PHACTR3: variants seen among roughly 807,000 people sequenced by gnomAD.
The protein encoded by PHACTR3 is protein phosphatase 1, regulatory subunit 123.
Under a neutral mutation model 66.8 loss-of-function variants are expected in PHACTR3, and 16 were observed. That is an observed-to-expected ratio of 0.24 (90% confidence interval 0.16 to 0.36). The LOEUF (loss-of-function observed/expected upper bound fraction) is 0.36, where lower values mean the gene tolerates loss of function less well. Ranked by LOEUF, PHACTR3 falls within the 10% of genes least tolerant of loss-of-function variation. PHACTR3 has a pLI of 1.00. For synonymous variants in PHACTR3, 323 were observed against 292.1 expected, an observed-to-expected ratio of 1.11 and a Z score of -1.08; for missense variants, 647 against 719.9, an observed-to-expected ratio of 0.90 and a Z score of 1.16.
chr20:59,767,811 T>G (rs2040231077), intron 5 of PHACTR3, among the ~76,000 whole-genome samples: 1 of 152,194 alleles, frequency 6.6e-6, no homozygotes, highest in South Asian at 2.1e-4. Flanking sequence ...TTCCATTCTG[T>G]TCCTTTCCAT....
At chr20:59,755,094 T>G in intron 3 of PHACTR3, 88 bp from the exon 4 acceptor site, 1 of 1,362,980 alleles carries the variant, frequency 7.3e-7, no homozygotes, top group Non-Finnish European at 1.0e-6. Context: ...GAGCCTAGAA[T>G]GGATACTTCT....
intron 4 of PHACTR3, among the ~76,000 whole-genome samples, chr20:59,765,584 A>T (rs1355656372): frequency 1.3e-5 from 2 of 152,242 alleles, no homozygotes; most frequent in Admixed American, 6.5e-5. Context: ...TGGGAATGAG[A>T]GTTTAAAACT....
intron 1 of PHACTR3, among the ~76,000 whole-genome samples, chr20:59,643,522 A>G (rs1456953848): frequency 1.3e-5 from 2 of 152,226 alleles, no homozygotes; most frequent in South Asian, 4.1e-4. Context: ...ATTCTGCACA[A>G]AACAGTGCCC....
intron 1 of PHACTR3, among the ~76,000 whole-genome samples, chr20:59,681,410 A>T (rs981281773): frequency 4.6e-5 from 7 of 152,074 alleles, no homozygotes; most frequent in African/African-American, 1.7e-4. Context: ...TTTGTAAAAC[A>T]TTTTGATGAC....
intron 1 of PHACTR3, among the ~76,000 whole-genome samples, chr20:59,586,458 T>C (rs1408132609): frequency 6.6e-6 from 1 of 152,252 alleles, no homozygotes; most frequent in Non-Finnish European, 1.5e-5. Context: ...TTTCTATTTT[T>C]ATTTTAATGG....
intron 8 of PHACTR3, among the ~76,000 whole-genome samples, chr20:59,834,441 C>A (rs1767831): frequency 0.86 from 130,345 of 151,826 alleles, 57,818 homozygotes; most frequent in East Asian, 0.97. Context: ...GTGCCCAGCT[C>A]TAAGGGGAGA....
intron 7 of PHACTR3, among the ~76,000 whole-genome samples, chr20:59,776,324 G>A (rs2040534199): frequency 6.6e-6 from 1 of 152,184 alleles, no homozygotes; most frequent in Non-Finnish European, 1.5e-5. Context: ...CCATGTAACT[G>A]GCCATGGTCA....
In PHACTR3 at chr20:59,651,657, C is replaced by T. The variant is rs117514728; in HGVS notation, c.118+46525C>T. ...AGTGTTGGAAACAATGCACATATCA[C>T]GAAGAGTGGACTGGCTGGATAAATA... On this transcript the variant is annotated intron_variant, in intron 1 of 12. Transcript: ENST00000371015. Among the ~76,000 whole-genome samples the T allele has an allele frequency of 5.2e-3, 793 of 152,226 alleles. 6 individuals carry two copies. The highest frequency in any genetic ancestry group is 7.5e-3 in the Non-Finnish European group (507 of 68,004).
intron 1 of PHACTR3, among the ~76,000 whole-genome samples, chr20:59,620,604 T>A (rs1317123722): frequency 6.6e-6 from 1 of 152,212 alleles, no homozygotes; most frequent in Non-Finnish European, 1.5e-5. Context: ...AAATCCCCCA[T>A]AAGCGATGTC....
At chr20:59,617,041 T>C (rs1387747561) in intron 1 of PHACTR3, among the ~76,000 whole-genome samples, 4 of 152,200 alleles carry the variant, frequency 2.6e-5, no homozygotes, top group South Asian at 2.1e-4. Context: ...TTAATGTGAT[T>C]ATTTTCCTGT....
intron 1 of PHACTR3, among the ~76,000 whole-genome samples, chr20:59,579,276 CG>C (rs1600856417): frequency 1.3e-5 from 2 of 152,224 alleles, no homozygotes; most frequent in Non-Finnish European, 2.9e-5. Context: ...AATAGTTCTG[CG>C]GCCTCTGTCT....
At chr20:59,622,909 T>A (rs1338879138) in intron 1 of PHACTR3, among the ~76,000 whole-genome samples, 9 of 145,278 alleles carry the variant, frequency 6.2e-5, no homozygotes, top group Non-Finnish European at 1.0e-4. Context: ...CCTGGGCTAA[T>A]ATGTAATCCC....
rs201357222 is a variant in PHACTR3, at chr20:59,774,299, C to G, written c.983C>G (p.Ser328Trp). ...AAGAAGCGGCTGGATGTCCGTCTGTCGAGAACGTCCAGCGTGGAGCGGGGC... is the reference window on the plus strand; with the variant it reads ...AAGAAGCGGCTGGATGTCCGTCTGTGGAGAACGTCCAGCGTGGAGCGGGGC... ...SPKKRLDVRL[S>W]RTSSVERGKE... Residue 328 changes from serine to tryptophan, a missense_variant, in exon 7 of 13, where the codon TCG becomes TGG. Around this residue, in one of 2 missense-constraint regions of PHACTR3, gnomAD observed 577 missense variants for 571.1 expected, o/e 1.01. Coordinates refer to ENST00000371015, the MANE Select transcript of PHACTR3 (RefSeq NM_080672.5). 6.2e-7 allele frequency: 1 copy of G among 1,613,022 alleles called. No homozygotes were observed.
intron 2 of PHACTR3, among the ~76,000 whole-genome samples, chr20:59,744,250 G>A (rs1349310317): frequency 6.6e-6 from 1 of 152,262 alleles, no homozygotes; most frequent in Non-Finnish European, 1.5e-5. Flanking sequence ...CACACAGCCA[G>A]CAGGTGGCGG....
At chr20:59,790,449 T>C (rs866103230) in intron 7 of PHACTR3, among the ~76,000 whole-genome samples, 1 of 152,218 alleles carries the variant, frequency 6.6e-6, no homozygotes, top group Non-Finnish European at 1.5e-5. Context: ...CTGATGGAAA[T>C]ATTCATATGC....
chr20:59,684,888 G>A (rs190421203), intron 1 of PHACTR3, among the ~76,000 whole-genome samples: 8 of 152,250 alleles, frequency 5.3e-5, no homozygotes, highest in Admixed American at 4.6e-4. Context: ...CTTATTCCAT[G>A]GCCCAGCATG....
chr20:59,823,816 A>G (rs2042113764), intron 8 of PHACTR3, among the ~76,000 whole-genome samples: 2 of 152,228 alleles, frequency 1.3e-5, no homozygotes, highest in African/African-American at 4.8e-5. Flanking sequence ...CATGGAATTT[A>G]CATTTTCATT....
At chr20:59,802,625 A>T (rs1484260370) in intron 7 of PHACTR3, among the ~76,000 whole-genome samples, 6 of 152,122 alleles carry the variant, frequency 3.9e-5, no homozygotes, top group African/African-American at 1.4e-4. Context: ...GGGAGCGTGG[A>T]AGGCAGTTCC....
chr20:59,844,050 G>T (rs1037276499), intron 11 of PHACTR3: 1 of 151,894 alleles, frequency 6.6e-6, no homozygotes, highest in Admixed American at 6.6e-5. Flanking sequence ...CATACAAATC[G>T]CCAACAGGTA....
Sources: allele counts gnomAD v4.1 joint callset (sites outside exome capture counted in the v4.1 genomes callset), GRCh38; gene constraint gnomAD v4.1.1; regional missense constraint gnomAD v4.1.1; transcripts MANE v1.5; gene names NCBI Gene and HGNC (gene_info 2026-07-23, HGNC 2026-07-21).